BLZF1: variants seen among roughly 807,000 people sequenced by gnomAD.
BLZF1 encodes basic leucine zipper nuclear factor 1.
A neutral mutation model predicts 43.8 loss-of-function variants in BLZF1; 39 were observed. The ratio of observed to expected loss-of-function variants is 0.89; its 90% CI spans 0.69 to 1.16. BLZF1 has a LOEUF of 1.16. Among genes scored for constraint, BLZF1 ranks in the 50% most tolerant of loss-of-function variants. The pLI is 0.00. For missense variants in BLZF1, 449 were observed against 469.8 expected (o/e 0.96, Z 0.41); for synonymous variants, 136 against 159.4 (o/e 0.85, Z 1.11).
chr1:169,377,062 C>A, intron 3 of BLZF1, 83 bp downstream of exon 3: 1 of 1,124,302 alleles, frequency 8.9e-7, no homozygotes, highest in Non-Finnish European at 1.3e-6. Flanking sequence ...AACTACATTT[C>A]TTTATGGGAA....
intron 6 of BLZF1, among the ~76,000 whole-genome samples, chr1:169,384,436 A>C (rs1353259162): frequency 6.6e-6 from 1 of 152,142 alleles, no homozygotes; most frequent in Non-Finnish European, 1.5e-5. Context: ...GAGTTATTTC[A>C]GAAGGCCAAA....
rs1345500615 is a variant in BLZF1 at position 169,376,662 on chromosome 1, T to C, written c.151T>C (p.Trp51Arg). ...SRKHHSLQSP[W>R]KKAVPSESPG... Reference sequence around the variant, plus strand: ...AAAGCATCATAGTCTTCAGAGTCCATGGAAGAAAGCAGTTCCATCAGAGAG... The same window carrying C: ...AAAGCATCATAGTCTTCAGAGTCCACGGAAGAAAGCAGTTCCATCAGAGAG... Residue 51 changes from tryptophan (W) to arginine (R), a missense_variant, in exon 3 of 7, where the codon TGG becomes CGG. Trp to Arg is a moderately radical substitution (Grantham distance 101, BLOSUM62 -3). Coordinates refer to ENST00000367808, the MANE Select transcript of BLZF1 (RefSeq NM_001320973.2). 11 of 1,613,376 alleles carry C rather than the reference T, an allele frequency of 6.8e-6. No individual in the cohort carries two copies. The highest frequency in any genetic ancestry group is 8.5e-6 in the Non-Finnish European group (10 of 1,179,580).
intron 6 of BLZF1, 61 bp downstream of exon 6, chr1:169,382,342 ACATAT>A (rs1654551832): frequency 2.1e-5 from 30 of 1,457,340 alleles, no homozygotes; most frequent in African/African-American, 2.8e-5. Context: ...CTGAAAGGTG[ACATAT>A]CATGGAAAGC....
At chr1:169,389,150 C>T (rs912705104), downstream of BLZF1, among the ~76,000 whole-genome samples, 2 of 149,706 alleles carry the variant, frequency 1.3e-5, no homozygotes, top group Admixed American at 6.7e-5. Context: ...AAAAATAAGC[C>T]GTGTGTGGTA....
intron 2 of BLZF1, among the ~76,000 whole-genome samples, chr1:169,373,494 G>A (rs964354695): frequency 3.3e-5 from 5 of 152,274 alleles, no homozygotes; most frequent in South Asian, 2.1e-4. Flanking sequence ...ATCGAATTAC[G>A]AAAGTTACCA....
chr1:169,392,604 A>G (rs1218609978), downstream of BLZF1, among the ~76,000 whole-genome samples: 1 of 152,192 alleles, frequency 6.6e-6, no homozygotes, highest in African/African-American at 2.4e-5. Context: ...CCCTTGCAAC[A>G]TCCCAAGTCC....
intron 3 of BLZF1, among the ~76,000 whole-genome samples, chr1:169,377,979 A>G (rs540750778): frequency 9.2e-5 from 14 of 152,164 alleles, no homozygotes; most frequent in Admixed American, 9.2e-4. Flanking sequence ...TAAAAAACAT[A>G]AAACATTCTC....
intron 6 of BLZF1, among the ~76,000 whole-genome samples, chr1:169,384,174 C>T (rs1654604614): frequency 1.3e-5 from 2 of 151,898 alleles, no homozygotes; most frequent in South Asian, 2.1e-4. Flanking sequence ...TTTCAGATTT[C>T]GATAAAAAAC....
chr1:169,380,089 G>A (rs1654478828), intron 4 of BLZF1, among the ~76,000 whole-genome samples: 2 of 151,626 alleles, frequency 1.3e-5, no homozygotes, highest in South Asian at 2.1e-4. Flanking sequence ...TATTTTTCTG[G>A]GGGCAAAGAG....
chr1:169,378,367 T>C lies in BLZF1; in HGVS notation c.506T>C (p.Val169Ala). The change falls in exon 4 of 7, where the codon GTT becomes GCT. Residue 169 changes from valine to alanine, a missense_variant. Coordinates refer to ENST00000367808, the MANE Select transcript of BLZF1 (RefSeq NM_001320973.2). ...TTAAAAAAGTTACTGGTGGCTTCTG[T>C]TGGGGATGATCTTCAGTATCACTTT... The part of the protein sequence containing the change: ...RELKKLLVAS[V>A]GDDLQYHFER... The C allele has an allele frequency of 1.9e-6, 3 of 1,612,824 alleles. No homozygotes were observed. The highest frequency in any genetic ancestry group is 1.7e-4 in the Middle Eastern group (1 of 6,056).
intron 2 of BLZF1, among the ~76,000 whole-genome samples, chr1:169,371,026 A>C (rs16862109): frequency 0.014 from 2,060 of 152,306 alleles, 37 homozygotes; most frequent in African/African-American, 0.047. Flanking sequence ...TTTTTCAGCA[A>C]ACTGACCTCC....
chr1:169,393,588 GAAA>G (rs150627012), intron 7 of BLZF1, among the ~76,000 whole-genome samples: 7 of 139,654 alleles, frequency 5.0e-5, no homozygotes, highest in African/African-American at 1.8e-4. Context: ...CTGTCTAAGG[GAAA>G]AAAAAAAACA....
At chr1:169,381,942 GAA>G in intron 5 of BLZF1, 118 bp from the exon 6 acceptor site, 1 of 780,016 alleles carries the variant, frequency 1.3e-6, no homozygotes, top group Admixed American at 2.7e-5. Flanking sequence ...CTCTGAGAGA[GAA>G]AGGGATCAGA....
chr1:169,390,041 A>G (rs899933858), downstream of BLZF1, among the ~76,000 whole-genome samples: 1 of 152,218 alleles, frequency 6.6e-6, no homozygotes, highest in Non-Finnish European at 1.5e-5. Flanking sequence ...TTGTACAACA[A>G]TGTCAGTCTA....
downstream of BLZF1, among the ~76,000 whole-genome samples, chr1:169,390,120 A>C (rs1215266220): frequency 6.6e-6 from 1 of 152,178 alleles, no homozygotes; most frequent in Non-Finnish European, 1.5e-5. Context: ...ACAATTAAAA[A>C]ACTAAAAAAA....
intron 6 of BLZF1, among the ~76,000 whole-genome samples, chr1:169,384,930 C>G (rs1654627358): frequency 6.6e-6 from 1 of 152,198 alleles, no homozygotes; most frequent in Non-Finnish European, 1.5e-5. Flanking sequence ...CTTGCACATA[C>G]TAAGTGCTCA....
At chr1:169,371,360 A>C (rs560294965) in intron 2 of BLZF1, among the ~76,000 whole-genome samples, 1 of 152,336 alleles carries the variant, frequency 6.6e-6, no homozygotes, top group East Asian at 1.9e-4. Context: ...ATTACTTTTT[A>C]ATATTTATTA....
chr1:169,376,826 T>A lies in BLZF1; in HGVS notation c.315T>A (p.His105Gln). The A allele has an allele frequency of 1.2e-6, 2 of 1,613,388 alleles. No individual in the cohort carries two copies. Among genetic ancestry groups the A allele is most frequent in the Non-Finnish European group, 1.7e-6 (2 of 1,179,564 alleles). Residue 105 changes from histidine (H) to glutamine (Q), a missense_variant, in exon 3 of 7, where the codon CAT becomes CAA. Coordinates refer to ENST00000367808, the MANE Select transcript of BLZF1 (RefSeq NM_001320973.2). ...CAAAGGTTAAGTCTCTGGGACATCA[T>A]AAAGGAGAATTCCTTGGTCAGTCAG... ...KNTKVKSLGH[H>Q]KGEFLGQSEG... is the part of the protein sequence containing the mutation.
chr1:169,383,017 T>C (rs1394763143), intron 6 of BLZF1, among the ~76,000 whole-genome samples: 2 of 152,182 alleles, frequency 1.3e-5, no homozygotes, highest in Non-Finnish European at 2.9e-5. Context: ...CTCTTTTAGT[T>C]TCTCTTCCCA....
Sources: allele counts gnomAD v4.1 joint callset (sites outside exome capture counted in the v4.1 genomes callset), GRCh38; gene constraint gnomAD v4.1.1; transcripts MANE v1.5; gene names NCBI Gene and HGNC (gene_info 2026-07-23, HGNC 2026-07-21).